CTNNA3: variants seen among roughly 807,000 people sequenced by gnomAD.
The protein encoded by CTNNA3 is catenin alpha-3.
In CTNNA3, 76 loss-of-function variants were observed where a neutral mutation model predicts 95.7. The observed-to-expected ratio is 0.79, with a 90% CI of 0.66 to 0.96. The LOEUF (loss-of-function observed/expected upper bound fraction) is 0.96. Among genes scored for constraint, CTNNA3 ranks in the 40% least tolerant of loss-of-function variants. The pLI is 0.00. For synonymous variants in CTNNA3, 431 were observed against 374.4 expected (o/e 1.15, Z -1.74); for missense variants, 1,191 against 1,089.8 (o/e 1.09, Z -1.31).
chr10:65,953,234 T>C (rs906160880), intron 17 of CTNNA3, among the ~76,000 whole-genome samples: 1 of 152,196 alleles, frequency 6.6e-6, no homozygotes, highest in Non-Finnish European at 1.5e-5. Flanking sequence ...TGCCTTGAGG[T>C]AAGTCAGATA....
At chr10:67,620,923 G>GTGTGTATATATATATATATATATATA (rs1402402526) in intron 2 of CTNNA3, among the ~76,000 whole-genome samples, 5 of 123,836 alleles carry the variant, frequency 4.0e-5, no homozygotes, top group African/African-American at 1.5e-4. Flanking sequence ...GTGTGTGTGT[G>GTGTGTATATATATATATATATATATA]TATATATATA....
At chr10:66,654,966 G>T (rs753968480) in intron 9 of CTNNA3, among the ~76,000 whole-genome samples, 1 of 151,998 alleles carries the variant, frequency 6.6e-6, no homozygotes, top group African/African-American at 2.4e-5. Context: ...GGGAAATAAT[G>T]GTCAAAGGAT....
At chr10:66,888,857 C>T (rs957593715) in intron 7 of CTNNA3, among the ~76,000 whole-genome samples, 9 of 152,128 alleles carry the variant, frequency 5.9e-5, no homozygotes, top group Non-Finnish European at 8.8e-5. Context: ...CCAGCTACTG[C>T]GATCCTTGGT....
chr10:66,451,301 TTTTA>T (rs1321596441), intron 11 of CTNNA3, among the ~76,000 whole-genome samples: 1 of 152,174 alleles, frequency 6.6e-6, no homozygotes, highest in Non-Finnish European at 1.5e-5. Flanking sequence ...ACACGTGTCA[TTTTA>T]TTTAATCATG....
rs147604844 is a variant in CTNNA3, at chr10:67,480,029, A to G, written c.579+41813T>C. Among the ~76,000 whole-genome samples the G allele has an allele frequency of 2.2e-3, 330 of 152,182 alleles. 2 individuals carry two copies. Among genetic ancestry groups the G allele is most frequent in the African/African-American group, 7.6e-3 (315 of 41,548 alleles). ...TCTGGAAACAACCTACCAAGATTGA[A>G]TCGGGAAGAGATTGAAACCCTGGAC... On this transcript the variant is annotated intron_variant, in intron 5 of 17. Coordinates refer to ENST00000433211, the MANE Select transcript of CTNNA3 (RefSeq NM_013266.4).
chr10:67,728,617 G>A (rs919648351), intron 1 of CTNNA3, among the ~76,000 whole-genome samples: 5 of 151,408 alleles, frequency 3.3e-5, no homozygotes, highest in Non-Finnish European at 7.4e-5. Context: ...AGAACCACTG[G>A]TCTAAATAAT....
At chr10:66,824,111 A>G (rs553900215) in intron 7 of CTNNA3, among the ~76,000 whole-genome samples, 35 of 152,040 alleles carry the variant, frequency 2.3e-4, no homozygotes, top group Non-Finnish European at 4.7e-4. Context: ...TGTCATGTTA[A>G]AGAAACTATG....
chr10:67,105,342 G>A (rs1038361691), intron 7 of CTNNA3, among the ~76,000 whole-genome samples: 9 of 152,038 alleles, frequency 5.9e-5, no homozygotes, highest in African/African-American at 2.2e-4. Context: ...GAGAGAAACT[G>A]AATAGACAGA....
chr10:67,120,112 G>A (rs2131990597), intron 7 of CTNNA3, among the ~76,000 whole-genome samples: 1 of 151,990 alleles, frequency 6.6e-6, no homozygotes, highest in East Asian at 1.9e-4. Flanking sequence ...ACAAAGAGAA[G>A]TCAGATCTGC....
intron 12 of CTNNA3, among the ~76,000 whole-genome samples, chr10:66,349,700 T>G (rs1483888611): frequency 6.6e-6 from 1 of 152,034 alleles, no homozygotes; most frequent in African/African-American, 2.4e-5. Context: ...AGATTCAAAA[T>G]CCAGAGAGTA....
chr10:67,717,627 T>C (rs1213181481), intron 1 of CTNNA3, among the ~76,000 whole-genome samples: 1 of 152,190 alleles, frequency 6.6e-6, no homozygotes, highest in East Asian at 1.9e-4. Context: ...CAGATGGTTG[T>C]AGATTTGTGG....
At chr10:66,336,235 G>A (rs748031250) in intron 12 of CTNNA3, among the ~76,000 whole-genome samples, 60 of 152,094 alleles carry the variant, frequency 3.9e-4, no homozygotes, top group Non-Finnish European at 7.1e-4. Flanking sequence ...AGCACCCACT[G>A]TCCTGCACCC....
At chr10:67,516,123 C>T (rs191867454) in intron 5 of CTNNA3, among the ~76,000 whole-genome samples, 22 of 152,112 alleles carry the variant, frequency 1.4e-4, no homozygotes, top group Non-Finnish European at 2.9e-4. Flanking sequence ...CCACCATGCC[C>T]GGCTAATTTT....
chr10:67,223,758 G>A (rs1589046127), intron 5 of CTNNA3, among the ~76,000 whole-genome samples: 1 of 152,164 alleles, frequency 6.6e-6, no homozygotes, highest in African/African-American at 2.4e-5. Context: ...CTCCTATGCT[G>A]AGCCTCGACT....
At chr10:66,720,855 G>T (rs71496005) in intron 9 of CTNNA3, among the ~76,000 whole-genome samples, 3 of 151,896 alleles carry the variant, frequency 2.0e-5, no homozygotes, top group African/African-American at 4.8e-5. Context: ...GAAAAGAAAA[G>T]AAAACAAAAA....
intron 5 of CTNNA3, among the ~76,000 whole-genome samples, chr10:67,347,757 A>ATCCACTCAAGAGAC (rs1180132356): frequency 6.6e-6 from 1 of 151,322 alleles, no homozygotes; most frequent in Non-Finnish European, 1.5e-5. Flanking sequence ...AATCAAGAGA[A>ATCCACTCAAGAGAC]TCCACTCAAG....
intron 3 of CTNNA3, among the ~76,000 whole-genome samples, chr10:67,549,830 A>G (rs1487927231): frequency 9.9e-5 from 15 of 152,232 alleles, no homozygotes; most frequent in Admixed American, 9.8e-4. Context: ...TATTGCTTAC[A>G]TATTTCTATA....
chr10:66,568,794 T>G (rs1375846061), intron 10 of CTNNA3, among the ~76,000 whole-genome samples: 2 of 151,710 alleles, frequency 1.3e-5, no homozygotes, highest in African/African-American at 2.4e-5. Context: ...ATCCTAGGAA[T>G]AGTAAACAAA....
chr10:66,389,444 C>A (rs1361904101), intron 11 of CTNNA3, among the ~76,000 whole-genome samples: 1 of 152,008 alleles, frequency 6.6e-6, no homozygotes, highest in African/African-American at 2.4e-5. Context: ...GAAATGCATT[C>A]ATTTAAGAGC....
Sources: gnomAD v4.1 joint callset for allele counts (sites outside exome capture counted in the v4.1 genomes callset) on GRCh38, gnomAD v4.1.1 for gene constraint, MANE v1.5 for transcripts, NCBI Gene and HGNC (gene_info 2026-07-23, HGNC 2026-07-21) for gene names.